The following OR4B1 variants were observed in gnomAD, a reference collection of about 807,000 sequenced individuals.
OR4B1 encodes the protein olfactory receptor 4B1.
For missense variants in OR4B1, 520 were observed against 370.7 expected, an observed-to-expected ratio of 1.40 and a Z score of -3.31; for synonymous variants, 196 against 141.2, an observed-to-expected ratio of 1.39 and a Z score of -2.75.
Position 48,217,436 on chromosome 11 carries a change from C to T in OR4B1, c.627C>T (p.Phe209=). 2 of 1,614,130 alleles carry T rather than the reference C, an allele frequency of 1.2e-6. No homozygotes were observed. The highest frequency in any genetic ancestry group is 1.7e-6 in the Non-Finnish European group (2 of 1,180,016). The change falls in exon 1 of 1, where the codon TTC becomes TTT. Residue 209 remains phenylalanine (F), a synonymous_variant. Coordinates refer to ENST00000309562, the MANE Select transcript of OR4B1 (RefSeq NM_001005470.1). ...ANSGLFSVFS[F]LILVSSYIVI... ...GTGGATTATTCTCTGTCTTCTCCTTCCTCATCTTGGTGTCCTCTTATATTG... is the reference window on the plus strand; with the variant it reads ...GTGGATTATTCTCTGTCTTCTCCTTTCTCATCTTGGTGTCCTCTTATATTG...
rs1269043142 is a variant in OR4B1, at chr11:48,217,397, T to G, written c.588T>G (p.Ile196Met). 6.2e-7 allele frequency: 1 copy of G among 1,614,142 alleles called. No individual in the cohort carries two copies. The highest frequency in any genetic ancestry group is 1.7e-5 in the Admixed American group (1 of 60,008). Residue 196 changes from isoleucine to methionine, a missense_variant, in exon 1 of 1, where the codon ATT (isoleucine) becomes ATG (methionine). Physicochemically the swap from Ile to Met is conservative, Grantham distance 10. Transcript: ENST00000309562. ...ACTDTFMEGV[I>M]VLANSGLFSV... Reference sequence around the variant, plus strand: ...CTGACACCTTCATGGAGGGGGTTATTGTGTTGGCCAACAGTGGATTATTCT... The same window carrying G: ...CTGACACCTTCATGGAGGGGGTTATGGTGTTGGCCAACAGTGGATTATTCT...
rs373181766 is a variant in OR4B1 at position 48,216,976 on chromosome 11, C to T, written c.167C>T (p.Pro56Leu). Residue 56 changes from proline (P) to leucine (L), a missense_variant, in exon 1 of 1, where the codon CCC becomes CTC. Physicochemically the swap from Pro to Leu is moderately conservative, Grantham distance 98 (BLOSUM62 -3). Transcript: ENST00000309562. ...AGTATCAGCAAGAGTCTGGATTCTC[C>T]CATGTACTTCTTCCTTAGCTGCCTG... ...TVSISKSLDS[P>L]MYFFLSCLSL... is the part of the protein sequence containing the mutation. 3 of 1,614,006 alleles carry T rather than the reference C, an allele frequency of 1.9e-6. No individual in the cohort carries two copies. The highest frequency in any genetic ancestry group is 2.5e-6 in the Non-Finnish European group (3 of 1,180,018).
chr11:48,217,566 A>T lies in OR4B1; in HGVS notation c.757A>T (p.Ile253Phe). 11 of 1,614,112 alleles carry T rather than the reference A, an allele frequency of 6.8e-6. No individual in the cohort carries two copies. The highest frequency in any genetic ancestry group is 9.3e-6 in the Non-Finnish European group (11 of 1,180,026). The change falls in exon 1 of 1, where the codon ATC becomes TTC. Residue 253 changes from isoleucine to phenylalanine, a missense_variant. Transcript: ENST00000309562. ...TVVILFFGPA[I>F]FLYMRPSSTF... ...GGTCATCTTGTTTTTTGGACCTGCT[A>T]TCTTCCTCTACATGCGACCTTCTTC... is the stretch of plus-strand genomic sequence containing the variant.
At position 48,217,665 on chromosome 11, in the gene OR4B1, A is replaced by C; in HGVS notation, c.856A>C (p.Thr286Pro). 2 of 1,607,634 alleles carry C rather than the reference A, an allele frequency of 1.2e-6. No individual in the cohort carries two copies. Among genetic ancestry groups the C allele is most frequent in the Non-Finnish European group, 1.7e-6 (2 of 1,179,936 alleles). ...ITPMLNPIIY[T>P]LRNAEVKIAI... The stretch of plus-strand genomic sequence containing the variant: ...CCCCATGCTGAACCCCATCATTTAC[A>C]CACTCAGGAATGCAGAGGTGAAAAT... Residue 286 changes from threonine (T) to proline (P), a missense_variant, in exon 1 of 1, where the codon ACA becomes CCA. Thr to Pro is a conservative substitution (Grantham distance 38). Coordinates refer to ENST00000309562, the MANE Select transcript of OR4B1 (RefSeq NM_001005470.1).
At position 48,217,405 on chromosome 11, in the gene OR4B1, C is replaced by T. The variant is rs750109308; in HGVS notation, c.596C>T (p.Ala199Val). 6.2e-7 allele frequency: 1 copy of T among 1,614,090 alleles called. No individual in the cohort carries two copies. Residue 199 changes from alanine to valine, a missense_variant, in exon 1 of 1, where the codon GCC (alanine) becomes GTC (valine). Physicochemically the swap from Ala to Val is moderately conservative, Grantham distance 64. Coordinates refer to ENST00000309562, the MANE Select transcript of OR4B1 (RefSeq NM_001005470.1). Reference protein sequence around the residue: ...DTFMEGVIVLANSGLFSVFSF... With the variant: ...DTFMEGVIVLVNSGLFSVFSF... ...TTCATGGAGGGGGTTATTGTGTTGG[C>T]CAACAGTGGATTATTCTCTGTCTTC...
Position 48,217,595 on chromosome 11 carries a change from T to A in OR4B1, c.786T>A (p.Thr262=). The A allele has an allele frequency of 6.2e-7, 1 of 1,614,004 alleles. No homozygotes were observed. ...AIFLYMRPSS[T]FTEDKLVAVF... ...TCCTCTACATGCGACCTTCTTCCAC[T>A]TTCACTGAAGATAAACTTGTGGCTG... The change falls in exon 1 of 1, where the codon ACT becomes ACA. Residue 262 remains threonine (T), a synonymous_variant. Transcript: ENST00000309562.
chr11:48,217,414 G>T lies in OR4B1; in HGVS notation c.605G>T (p.Gly202Val), dbSNP rs775325336. ...MEGVIVLANS[G>V]LFSVFSFLIL... ...GGGGTTATTGTGTTGGCCAACAGTG[G>T]ATTATTCTCTGTCTTCTCCTTCCTC... Residue 202 changes from glycine to valine, a missense_variant, in exon 1 of 1, where the codon GGA becomes GTA. By Grantham distance (109) the Gly-to-Val change is moderately radical. Coordinates refer to ENST00000309562, the MANE Select transcript of OR4B1 (RefSeq NM_001005470.1). 1 of 1,613,926 alleles carries T rather than the reference G, an allele frequency of 6.2e-7. No homozygotes were observed. The highest frequency in any genetic ancestry group is 8.5e-7 in the Non-Finnish European group (1 of 1,179,986).
In OR4B1 at chr11:48,217,131, G is replaced by A. The variant is rs1474145408; in HGVS notation, c.322G>A (p.Ala108Thr). ...ATTCTTCTTCCACTTCTTTGGGGTT[G>A]CTGAGATCCTTTTGATTGTGGTGAT... ...QIFFFHFFGV[A>T]EILLIVVMAY... Residue 108 changes from alanine (A) to threonine (T), a missense_variant, in exon 1 of 1, where the codon GCT (alanine) becomes ACT (threonine). Coordinates refer to ENST00000309562, the MANE Select transcript of OR4B1 (RefSeq NM_001005470.1). The A allele has an allele frequency of 1.2e-6, 2 of 1,614,138 alleles. No individual in the cohort carries two copies. The highest frequency in any genetic ancestry group is 2.2e-5 in the South Asian group (2 of 91,080).
rs200455310 is a variant in OR4B1 at position 48,217,302 on chromosome 11, C to T, written c.493C>T (p.Pro165Ser). Residue 165 changes from proline (P) to serine (S), a missense_variant, in exon 1 of 1, where the codon CCC becomes TCC. Pro to Ser is a moderately conservative substitution (Grantham distance 74). Coordinates refer to ENST00000309562, the MANE Select transcript of OR4B1 (RefSeq NM_001005470.1). ...TCAGATTCTCGTTATCATCCAATTGCCCTTCTGTGGTCCCAATGTGATTGA... is the reference window on the plus strand; with the variant it reads ...TCAGATTCTCGTTATCATCCAATTGTCCTTCTGTGGTCCCAATGTGATTGA... ...IIQILVIIQLPFCGPNVIDHY... is the reference protein window; with the variant it reads ...IIQILVIIQLSFCGPNVIDHY... The T allele has an allele frequency of 6.2e-7, 1 of 1,614,044 alleles. No individual in the cohort carries two copies. Among genetic ancestry groups the T allele is most frequent in the Non-Finnish European group, 8.5e-7 (1 of 1,180,032 alleles).
chr11:48,217,621 T>C lies in OR4B1; in HGVS notation c.812T>C (p.Val271Ala), dbSNP rs1435938377. ...TTCACTGAAGATAAACTTGTGGCTG[T>C]ATTCTACACGGTCATCACCCCCATG... is the stretch of plus-strand genomic sequence containing the variant. ...STFTEDKLVA[V>A]FYTVITPMLN... The change falls in exon 1 of 1, where the codon GTA becomes GCA. Residue 271 changes from valine (V) to alanine (A), a missense_variant. Physicochemically the swap from Val to Ala is moderately conservative, Grantham distance 64 (BLOSUM62 0). Transcript: ENST00000309562. 6.2e-7 allele frequency: 1 copy of C among 1,613,128 alleles called. No homozygotes were observed. The highest frequency in any genetic ancestry group is 1.3e-5 in the African/African-American group (1 of 75,046).
rs1488698682 is a variant in OR4B1 at position 48,217,033 on chromosome 11, T to C, written c.224T>C (p.Ile75Thr). 6.2e-7 allele frequency: 1 copy of C among 1,613,690 alleles called. No homozygotes were observed. The highest frequency in any genetic ancestry group is 8.5e-7 in the Non-Finnish European group (1 of 1,179,582). Residue 75 changes from isoleucine to threonine, a missense_variant, in exon 1 of 1, where the codon ATC becomes ACC. Transcript: ENST00000309562. Reference protein sequence around the residue: ...SLVEISYSSTIAPKFIIDLLA... With the variant: ...SLVEISYSSTTAPKFIIDLLA... ...GTGGAGATCAGTTATTCCTCCACTA[T>C]CGCCCCTAAATTCATCATAGACTTA...
rs1425625616 is a variant in OR4B1, at chr11:48,217,524, G to A, written c.715G>A (p.Ala239Thr). The change falls in exon 1 of 1, where the codon GCT becomes ACT. Residue 239 changes from alanine (A) to threonine (T), a missense_variant. Ala to Thr is a moderately conservative substitution (Grantham distance 58). Coordinates refer to ENST00000309562, the MANE Select transcript of OR4B1 (RefSeq NM_001005470.1). Reference sequence around the variant, plus strand: ...GAGGCACAAAGCCCTCTCCACCTGTGCTTCTCACATCACAGTGGTCATCTT... The same window carrying A: ...GAGGCACAAAGCCCTCTCCACCTGTACTTCTCACATCACAGTGGTCATCTT... ...EGRHKALSTC[A>T]SHITVVILFF... is the part of the protein sequence containing the mutation. The A allele has an allele frequency of 1.2e-6, 2 of 1,614,020 alleles. No individual in the cohort carries two copies. Among genetic ancestry groups the A allele is most frequent in the African/African-American group, 2.7e-5 (2 of 74,924 alleles).
In OR4B1 at chr11:48,217,264, G is replaced by A. The variant is rs371210193; in HGVS notation, c.455G>A (p.Cys152Tyr). The change falls in exon 1 of 1, where the codon TGT becomes TAT. Residue 152 changes from cysteine to tyrosine, a missense_variant. Physicochemically the swap from Cys to Tyr is radical, Grantham distance 194. Transcript: ENST00000309562. ...LVAGSWLGGFCHSIIQILVII... is the reference protein window; with the variant it reads ...LVAGSWLGGFYHSIIQILVII... ...GCTGGTTCCTGGCTGGGGGGCTTTT[G>A]TCACTCCATAATTCAGATTCTCGTT... 2.5e-6 allele frequency: 4 copies of A among 1,613,966 alleles called. No homozygotes were observed. Among genetic ancestry groups the A allele is most frequent in the Admixed American group, 1.7e-5 (1 of 59,976 alleles).
Position 48,217,110 on chromosome 11 carries a change from T to C in OR4B1, c.301T>C (p.Phe101Leu). ...GGAAGGCTGTCTGACTCAGATATTC[T>C]TCTTCCACTTCTTTGGGGTTGCTGA... Reference protein sequence around the residue: ...SLEGCLTQIFFFHFFGVAEIL... With the variant: ...SLEGCLTQIFLFHFFGVAEIL... Residue 101 changes from phenylalanine to leucine, a missense_variant, in exon 1 of 1, where the codon TTC becomes CTC. Physicochemically the swap from Phe to Leu is conservative, Grantham distance 22. Transcript: ENST00000309562. 6.2e-7 allele frequency: 1 copy of C among 1,614,184 alleles called. No individual in the cohort carries two copies. The highest frequency in any genetic ancestry group is 1.7e-5 in the Admixed American group (1 of 60,018).
In OR4B1 at chr11:48,217,150, T is replaced by C. The variant is rs1240505597; in HGVS notation, c.341T>C (p.Val114Ala). ...GGGGTTGCTGAGATCCTTTTGATTG[T>C]GGTGATGGCCTATGATTGCTACGTG... ...FFGVAEILLIVVMAYDCYVAI... is the reference protein window; with the variant it reads ...FFGVAEILLIAVMAYDCYVAI... Residue 114 changes from valine to alanine, a missense_variant, in exon 1 of 1, where the codon GTG becomes GCG. Coordinates refer to ENST00000309562, the MANE Select transcript of OR4B1 (RefSeq NM_001005470.1). The C allele has an allele frequency of 1.2e-6, 2 of 1,614,148 alleles. No homozygotes were observed. Among genetic ancestry groups the C allele is most frequent in the South Asian group, 1.1e-5 (1 of 91,084 alleles).
rs139322491 is a variant in OR4B1, at chr11:48,217,386, G to A, written c.577G>A (p.Glu193Lys). The A allele has an allele frequency of 1.2e-6, 2 of 1,614,128 alleles. No homozygotes were observed. Among genetic ancestry groups the A allele is most frequent in the South Asian group, 1.1e-5 (1 of 91,062 alleles). Residue 193 changes from glutamate to lysine, a missense_variant, in exon 1 of 1, where the codon GAG becomes AAG. By Grantham distance (56) the Glu-to-Lys change is moderately conservative. Transcript: ENST00000309562. ...GCTTGCCTGCACTGACACCTTCATG[G>A]AGGGGGTTATTGTGTTGGCCAACAG... ...FKLACTDTFM[E>K]GVIVLANSGL...
In OR4B1 at chr11:48,217,632, G is replaced by T. The variant is rs377561605; in HGVS notation, c.823G>T (p.Val275Phe). ...TAAACTTGTGGCTGTATTCTACACG[G>T]TCATCACCCCCATGCTGAACCCCAT... Reference protein sequence around the residue: ...EDKLVAVFYTVITPMLNPIIY... With the variant: ...EDKLVAVFYTFITPMLNPIIY... The change falls in exon 1 of 1, where the codon GTC (valine) becomes TTC (phenylalanine). Residue 275 changes from valine to phenylalanine, a missense_variant. Transcript: ENST00000309562. The T allele has an allele frequency of 1.2e-6, 2 of 1,611,598 alleles. No individual in the cohort carries two copies. The highest frequency in any genetic ancestry group is 2.7e-5 in the African/African-American group (2 of 74,876).
At position 48,217,496 on chromosome 11, in the gene OR4B1, G is replaced by T. The variant is rs759697222; in HGVS notation, c.687G>T (p.Glu229Asp). 1.9e-6 allele frequency: 3 copies of T among 1,614,124 alleles called. No individual in the cohort carries two copies. The Admixed American group carries it at 5.0e-5, about 27-fold the overall frequency. Residue 229 changes from glutamate (E) to aspartate (D), a missense_variant, in exon 1 of 1, where the codon GAG becomes GAT. Glu to Asp is a conservative substitution (Grantham distance 45). Transcript: ENST00000309562. ...ILVNLRNHSAEGRHKALSTCA... is the reference protein window; with the variant it reads ...ILVNLRNHSADGRHKALSTCA... ...TCAACTTGAGGAACCATTCTGCAGA[G>T]GGGAGGCACAAAGCCCTCTCCACCT...
rs1400720313 is a variant in OR4B1, at chr11:48,217,093, G to GTCTGACTC, written c.285_292dup (p.Gln98LeufsTer2). 12 of 1,614,172 alleles carry GTCTGACTC rather than the reference G, an allele frequency of 7.4e-6. No individual in the cohort carries two copies. The highest frequency in any genetic ancestry group is 8.5e-6 in the Non-Finnish European group (10 of 1,180,032). On this transcript the variant is annotated frameshift_variant, in exon 1 of 1. Transcript: ENST00000309562. LOFTEE classifies it low-confidence loss of function (END_TRUNC). ...ATTAAAACCATCTCTCTGGAAGGCT[G>GTCTGACTC]TCTGACTCAGATATTCTTCTTCCAC...
Sources: gnomAD v4.1 joint callset for allele counts on GRCh38, gnomAD v4.1.1 for gene constraint, MANE v1.5 for transcripts, NCBI Gene and HGNC (gene_info 2026-07-23, HGNC 2026-07-21) for gene names.